MPP7: variants seen among roughly 807,000 people sequenced by gnomAD.
The protein encoded by MPP7 is MAGUK p55 subfamily member 7.
Under a neutral mutation model 76.5 loss-of-function variants are expected in MPP7, and 60 were observed. The ratio of observed to expected loss-of-function variants is 0.78; its 90% CI spans 0.64 to 0.97. MPP7 has a LOEUF of 0.97. MPP7 is among the 50% of genes least tolerant of loss of function. The pLI is 0.00. For synonymous variants in MPP7, 237 were observed against 244.5 expected, an observed-to-expected ratio of 0.97 and a Z score of 0.29; for missense variants, 641 against 694.0, an observed-to-expected ratio of 0.92 and a Z score of 0.86.
intron 2 of MPP7, among the ~76,000 whole-genome samples, chr10:28,215,766 T>C (rs1838290420): frequency 6.6e-6 from 1 of 152,204 alleles, no homozygotes; most frequent in Non-Finnish European, 1.5e-5. Context: ...CATGCTAACC[T>C]TACAGAATTG....
Position 28,105,131 on chromosome 10 carries a change from C to T in MPP7, c.952+14520G>A, listed in dbSNP as rs1050757227. Among the ~76,000 whole-genome samples the T allele has an allele frequency of 1.4e-4, 16 of 113,008 alleles. No individual in the cohort carries two copies. In the Admixed American group the frequency reaches 1.6e-3, roughly 11 times the overall value. The allele number at this position is 113,008 out of a possible 152,430, so 74.1% of individuals were successfully genotyped here. A position where few individuals can be genotyped will look rare whatever the true frequency, so the allele number is the denominator to read the frequency against. On this transcript the variant is annotated intron_variant, in intron 11 of 16. Transcript: ENST00000683449. ...ATCGCGCCACTGCACTCTAGCCTGG[C>T]GACAGAGTGAGACTCCATCTCAAAA...
At chr10:28,146,447 G>A (rs578018649) in intron 5 of MPP7, among the ~76,000 whole-genome samples, 1 of 148,684 alleles carries the variant, frequency 6.7e-6, no homozygotes, top group Non-Finnish European at 1.5e-5. Flanking sequence ...TGTCGCCCAG[G>A]CTGGAGTGCA....
In MPP7 at chr10:28,089,668, T is replaced by C. The variant is rs761677360; in HGVS notation, c.1123+3A>G. 2 of 1,610,966 alleles carry C rather than the reference T, an allele frequency of 1.2e-6. No homozygotes were observed. Among genetic ancestry groups the C allele is most frequent in the South Asian group, 1.1e-5 (1 of 90,334 alleles). On this transcript the variant is annotated splice_donor_region_variant and intron_variant, in intron 12 of 16. Coordinates refer to ENST00000683449, the MANE Select transcript of MPP7 (RefSeq NM_001318170.2). The stretch of plus-strand genomic sequence containing the variant: ...AGAATTACTCACAGAAACAAGCACT[T>C]ACCAACCAAGACAACGAGTCTGTAT...
At chr10:28,262,560 C>T (rs1051599054) in intron 1 of MPP7, among the ~76,000 whole-genome samples, 8 of 152,076 alleles carry the variant, frequency 5.3e-5, no homozygotes, top group African/African-American at 1.9e-4. Flanking sequence ...GTATAAATGG[C>T]CTTTGGCCCT....
In MPP7 at chr10:28,261,211, G is replaced by A. The variant is rs147483955; in HGVS notation, c.-131-22476C>T. 3.2e-3 allele frequency among the ~76,000 whole-genome samples: 494 copies of A among 152,310 alleles called. 3 individuals carry two copies. Among genetic ancestry groups the A allele is most frequent in the African/African-American group, 0.011 (468 of 41,560 alleles). On this transcript the variant is annotated intron_variant, in intron 1 of 16. Transcript: ENST00000683449. ...TCCTACACACAGGTGAGAAAACACA[G>A]AATTAACTGTGAACACTTTCCTTCC...
At position 28,076,016 on chromosome 10, in the gene MPP7, A is replaced by G. The variant is rs550823507; in HGVS notation, c.1124-6164T>C. ...AATGAACCAAAGGAGTGTGAGAGAA[A>G]GTTAAAAAGTATTTGCCCCTAGAAC... On this transcript the variant is annotated intron_variant, in intron 12 of 16. Transcript: ENST00000683449. Among the ~76,000 whole-genome samples the G allele has an allele frequency of 9.8e-5, 15 of 152,350 alleles. No homozygotes were observed. In the East Asian group the frequency reaches 2.7e-3, roughly 27 times the overall value.
chr10:28,204,008 G>A lies in MPP7; in HGVS notation c.38-1737C>T, dbSNP rs1440761353. Among the ~76,000 whole-genome samples the A allele has an allele frequency of 3.9e-5, 6 of 152,194 alleles. No homozygotes were observed. In the South Asian group the frequency reaches 6.2e-4, roughly 16 times the overall value. On this transcript the variant is annotated intron_variant, in intron 2 of 16. Coordinates refer to ENST00000683449, the MANE Select transcript of MPP7 (RefSeq NM_001318170.2). ...AATTATTACTGTTATTAATCATATC[G>A]TTACAGAAAAAGCAAAAGTGTGGAT... is the stretch of plus-strand genomic sequence containing the variant.
chr10:28,216,947 T>C (rs1390363625), intron 2 of MPP7, among the ~76,000 whole-genome samples: 4 of 152,102 alleles, frequency 2.6e-5, no homozygotes, highest in Non-Finnish European at 4.4e-5. Context: ...GCAATATAAT[T>C]CATCTAGAAG....
At position 28,177,573 on chromosome 10, in the gene MPP7, T is replaced by C. The variant is rs376889386; in HGVS notation, c.156+24580A>G. ...TTCTGTACAATGATAAGAAAATGAT[T>C]AAATAAACCATAGCATAAGCGGTTG... On this transcript the variant is annotated intron_variant, in intron 3 of 16. Transcript: ENST00000683449. Among the ~76,000 whole-genome samples the C allele has an allele frequency of 2.8e-4, 42 of 152,246 alleles. No individual in the cohort carries two copies. In the South Asian group the frequency reaches 8.5e-3, roughly 31 times the overall value.
rs752306243 is a variant in MPP7 at position 28,147,572 on chromosome 10, G to C, written c.235-9C>G. 1 of 1,612,954 alleles carries C rather than the reference G, an allele frequency of 6.2e-7. No individual in the cohort carries two copies. Among genetic ancestry groups the C allele is most frequent in the South Asian group, 1.1e-5 (1 of 91,042 alleles). ...TGAAGCTCTTCGGCCAGCTGCAACGGAGATTACATTGACTTAAAGAACATT... is the reference window on the plus strand; with the variant it reads ...TGAAGCTCTTCGGCCAGCTGCAACGCAGATTACATTGACTTAAAGAACATT... On this transcript the variant is annotated splice_polypyrimidine_tract_variant and intron_variant, in intron 4 of 16. Transcript: ENST00000683449.
intron 3 of MPP7, among the ~76,000 whole-genome samples, chr10:28,195,552 A>G (rs1324618601): frequency 6.6e-6 from 1 of 152,250 alleles, no homozygotes; most frequent in African/African-American, 2.4e-5. Context: ...TTATTCAGTC[A>G]TAAAAAGGAA....
chr10:28,140,548 G>A (rs550378557), intron 5 of MPP7, among the ~76,000 whole-genome samples: 3 of 151,976 alleles, frequency 2.0e-5, no homozygotes, highest in Non-Finnish European at 2.9e-5. Context: ...ATAATAATGA[G>A]CCAGTTCTTT....
At chr10:28,132,100 T>C (rs1835212458) in intron 5 of MPP7, among the ~76,000 whole-genome samples, 1 of 152,210 alleles carries the variant, frequency 6.6e-6, no homozygotes, top group African/African-American at 2.4e-5. Context: ...TCTGAGAATA[T>C]TCTATATTTT....
At chr10:28,149,870 T>C in intron 4 of MPP7, 112 bp downstream of exon 4, 1 of 623,528 alleles carries the variant, frequency 1.6e-6, no homozygotes, top group Non-Finnish European at 2.7e-6. Context: ...ATTTGTAACC[T>C]CTTCTGCTTT....
intron 3 of MPP7, among the ~76,000 whole-genome samples, chr10:28,163,908 C>A (rs868504823): frequency 4.8e-5 from 3 of 62,494 alleles, no homozygotes; most frequent in Non-Finnish European, 8.6e-5. Flanking sequence ...TCCAGAGCTC[C>A]ATCTCAAAAA....
At chr10:28,208,257 T>C (rs951390538) in intron 2 of MPP7, among the ~76,000 whole-genome samples, 2 of 152,138 alleles carry the variant, frequency 1.3e-5, no homozygotes, top group African/African-American at 2.4e-5. Flanking sequence ...AGGATGCAAG[T>C]GGACAAGAAA....
intron 11 of MPP7, among the ~76,000 whole-genome samples, chr10:28,102,197 G>C (rs1299436476): frequency 6.6e-6 from 1 of 151,928 alleles, no homozygotes; most frequent in Admixed American, 6.6e-5. Flanking sequence ...ACCCAGGCTG[G>C]AGTGGCATCA....
intron 3 of MPP7, among the ~76,000 whole-genome samples, chr10:28,150,665 C>T (rs1043714918): frequency 2.0e-5 from 3 of 151,928 alleles, no homozygotes; most frequent in African/African-American, 4.8e-5. Flanking sequence ...TTCTAAGAAA[C>T]GAAGGGATTT....
intron 2 of MPP7, among the ~76,000 whole-genome samples, chr10:28,229,833 G>A (rs1290446302): frequency 6.6e-6 from 1 of 151,492 alleles, no homozygotes; most frequent in Non-Finnish European, 1.5e-5. Flanking sequence ...AGCTTGCAGT[G>A]AGCTGAGATC....
Sources: gnomAD v4.1 joint callset for allele counts (sites outside exome capture counted in the v4.1 genomes callset) on GRCh38, gnomAD v4.1.1 for gene constraint, MANE v1.5 for transcripts, NCBI Gene and HGNC (gene_info 2026-07-23, HGNC 2026-07-21) for gene names.